Variants in ZNF681 observed in about 807,000 individuals in gnomAD.
ZNF681 encodes zinc finger protein 681.
ZNF681 carries 37 observed loss-of-function variants against 56.0 expected under a neutral mutation model. That is an observed-to-expected ratio of 0.66 (90% CI 0.51 to 0.87). ZNF681 has a LOEUF of 0.87. Ranked by LOEUF, ZNF681 falls within the 40% of genes least tolerant of loss-of-function variation. The pLI is 0.00. For synonymous variants in ZNF681, 225 were observed against 248.6 expected, an observed-to-expected ratio of 0.91 and a Z score of 0.89; for missense variants, 741 against 744.9, an observed-to-expected ratio of 0.99 and a Z score of 0.06.
rs965909372 is a variant in ZNF681 at position 23,744,557 on chromosome 19, A to T, written c.993T>A (p.Ile331=). ...QSSHLTRHKI[I]HTGEKPYKCE... ...ATTTGTAGGGTTTCTCTCCAGTATG[A>T]ATTATCTTATGTCTGGTAAGGTGTG... The change falls in exon 4 of 4, where the codon ATT becomes ATA. Residue 331 remains isoleucine (I), a synonymous_variant. Transcript: ENST00000402377. The T allele has an allele frequency of 1.2e-6, 2 of 1,613,644 alleles. No homozygotes were observed. Among genetic ancestry groups the T allele is most frequent in the African/African-American group, 2.7e-5 (2 of 74,920 alleles).
At chr19:23,748,079 T>C (rs989985596) in intron 3 of ZNF681, among the ~76,000 whole-genome samples, 1 of 152,096 alleles carries the variant, frequency 6.6e-6, no homozygotes, top group African/African-American at 2.4e-5. Context: ...TGACATGACG[T>C]TGTTCTTGGC....
At chr19:23,751,251 C>G (rs564317492) in intron 3 of ZNF681, among the ~76,000 whole-genome samples, 2 of 151,090 alleles carry the variant, frequency 1.3e-5, no homozygotes, top group African/African-American at 4.9e-5. Flanking sequence ...CTGAGGCAGG[C>G]GGATCACCTG....
In ZNF681 at chr19:23,742,195, C is replaced by T. The variant is rs1198564321; in HGVS notation, c.*1417G>A. 2.0e-5 allele frequency: 3 copies of T among 152,038 alleles called. No individual in the cohort carries two copies. The highest frequency in any genetic ancestry group is 7.2e-5 in the African/African-American group (3 of 41,412). The allele number at this position is 152,038 out of a possible 1,614,324, so 9.4% of individuals were successfully genotyped here. ...TTTTAAAATGTACTACATTTTATTA[C>T]ATAAAAGTACAATTGGCCAGGCATG... On this transcript the variant is annotated 3_prime_UTR_variant, in exon 4 of 4. Transcript: ENST00000402377.
chr19:23,747,639 CAAAAAAAA>C (rs57974422), intron 3 of ZNF681, among the ~76,000 whole-genome samples: 1 of 96,824 alleles, frequency 1.0e-5, no homozygotes, highest in African/African-American at 4.0e-5. Flanking sequence ...GACTCCGTCT[CAAAAAAAA>C]AAAAAAAAAA....
chr19:23,752,880 C>T (rs1047005857), intron 3 of ZNF681, among the ~76,000 whole-genome samples: 2 of 151,856 alleles, frequency 1.3e-5, no homozygotes, highest in Admixed American at 6.6e-5. Flanking sequence ...ACTGTTAGTA[C>T]GTGGCAAAAG....
Position 23,741,509 on chromosome 19 carries a change from A to C in ZNF681, c.*2103T>G, listed in dbSNP as rs911886062. On this transcript the variant is annotated 3_prime_UTR_variant, in exon 4 of 4. Transcript: ENST00000402377. Reference sequence around the variant, plus strand: ...GGGCTAATCATGGGGTCAGGAGTTCAAGACAAACCTGGCCAACGTAGTGAA... The same window carrying C: ...GGGCTAATCATGGGGTCAGGAGTTCCAGACAAACCTGGCCAACGTAGTGAA... 1 of 147,446 alleles carries C rather than the reference A, an allele frequency of 6.8e-6. No homozygotes were observed. Among genetic ancestry groups the C allele is most frequent in the African/African-American group, 2.5e-5 (1 of 39,762 alleles). 9.1% of individuals were successfully genotyped at this position (147,446 alleles called of 1,614,324 possible).
At chr19:23,756,332 A>C (rs1374982334) in intron 1 of ZNF681, among the ~76,000 whole-genome samples, 13 of 149,464 alleles carry the variant, frequency 8.7e-5, no homozygotes, top group Admixed American at 4.9e-4. Context: ...CCCCCCCCAA[A>C]AAAAGACACA....
rs765409591 is a variant in ZNF681, at chr19:23,745,210, T to C, written c.340A>G (p.Ser114Gly). Reference protein sequence around the residue: ...GKCEHENLQLSKSVDECKVQK... With the variant: ...GKCEHENLQLGKSVDECKVQK... ...ACTTTGCACTCATCCACACTTTTAC[T>C]TAACTGTAAATTCTCATGTTCACAT... Residue 114 changes from serine (S) to glycine (G), a missense_variant, in exon 4 of 4, where the codon AGT (serine) becomes GGT (glycine). Physicochemically the swap from Ser to Gly is moderately conservative, Grantham distance 56 (BLOSUM62 0). Coordinates refer to ENST00000402377, the MANE Select transcript of ZNF681 (RefSeq NM_138286.3). 6.2e-7 allele frequency: 1 copy of C among 1,612,440 alleles called. No individual in the cohort carries two copies. Among genetic ancestry groups the C allele is most frequent in the Non-Finnish European group, 8.5e-7 (1 of 1,179,602 alleles).
rs760184997 is a variant in ZNF681 at position 23,743,895 on chromosome 19, T to C, written c.1655A>G (p.His552Arg). The stretch of plus-strand genomic sequence containing the variant: ...TTTCTCTCCAGTATGAATTACCTTA[T>C]GTGTAGCAAGATGTGAGGAATGGTT... ...AFNHSSHLAT[H>R]KVIHTGEKPY... Residue 552 changes from histidine to arginine, a missense_variant, in exon 4 of 4, where the codon CAT becomes CGT. His to Arg is a conservative substitution (Grantham distance 29). Coordinates refer to ENST00000402377, the MANE Select transcript of ZNF681 (RefSeq NM_138286.3). 1.9e-6 allele frequency: 3 copies of C among 1,601,504 alleles called. No homozygotes were observed. Among genetic ancestry groups the C allele is most frequent in the Non-Finnish European group, 2.6e-6 (3 of 1,170,914 alleles).
chr19:23,745,273 C>G lies in ZNF681; in HGVS notation c.277G>C (p.Asp93His). ...QDFSPEQNIK[D>H]SFQKVTPRRY... ...CTTGGTGTCACTTTTTGGAAAGAAT[C>G]TTTTATGTTCTGCTCTGGTGAAAAG... The change falls in exon 4 of 4, where the codon GAT becomes CAT. Residue 93 changes from aspartate (D) to histidine (H), a missense_variant. Transcript: ENST00000402377. 6.3e-7 allele frequency: 1 copy of G among 1,598,640 alleles called. No homozygotes were observed. The highest frequency in any genetic ancestry group is 8.5e-7 in the Non-Finnish European group (1 of 1,175,498).
At chr19:23,755,337 A>C in intron 2 of ZNF681, 88 bp downstream of exon 2, 1 of 1,465,252 alleles carries the variant, frequency 6.8e-7, no homozygotes, top group Non-Finnish European at 9.1e-7. Flanking sequence ...CACTTATGCA[A>C]AGCATAAATT....
chr19:23,751,395 G>C (rs566102941), intron 3 of ZNF681, among the ~76,000 whole-genome samples: 1 of 147,684 alleles, frequency 6.8e-6, no homozygotes, highest in East Asian at 2.1e-4. Flanking sequence ...AGAATTGCTT[G>C]AACTCTGGAG....
Position 23,743,824 on chromosome 19 carries a change from G to C in ZNF681, c.1726C>G (p.His576Asp). ...ECGKAFNQSS[H>D]LTRHKRIHTG... ...TGAATTCTCTTATGTCTAGTAAGGT[G>C]TGAGGACTGGTTAAAGGCTTTACCA... The change falls in exon 4 of 4, where the codon CAC becomes GAC. Residue 576 changes from histidine to aspartate, a missense_variant. Coordinates refer to ENST00000402377, the MANE Select transcript of ZNF681 (RefSeq NM_138286.3). 1 of 1,607,092 alleles carries C rather than the reference G, an allele frequency of 6.2e-7. No homozygotes were observed. The highest frequency in any genetic ancestry group is 8.5e-7 in the Non-Finnish European group (1 of 1,177,548).
Position 23,755,513 on chromosome 19 carries a change from A to G in ZNF681, c.42T>C (p.Ser14=). ...TGTCCAGGCATTGCCACTCCTCCAG[A>G]GAGAATTCTATGGCCACATCCCTAA... ...LKFRDVAIEF[S]LEEWQCLDTI... is the part of the protein sequence containing the mutation. The change falls in exon 2 of 4, where the codon TCT becomes TCC. Residue 14 remains serine, a synonymous_variant. Transcript: ENST00000402377. 6.2e-7 allele frequency: 1 copy of G among 1,610,938 alleles called. No homozygotes were observed. Among genetic ancestry groups the G allele is most frequent in the East Asian group, 2.2e-5 (1 of 44,758 alleles).
Position 23,742,138 on chromosome 19 carries a change from C to A in ZNF681, c.*1474G>T, listed in dbSNP as rs1322591329. The A allele has an allele frequency of 6.6e-6, 1 of 151,922 alleles. No homozygotes were observed. Among genetic ancestry groups the A allele is most frequent in the Non-Finnish European group, 1.5e-5 (1 of 67,966 alleles). 9.4% of individuals were successfully genotyped at this position (151,922 alleles called of 1,614,324 possible). ...TGGTCTTAACATGTTTTTTAAAAAG[C>A]CTGATTAATAAGTTCACACATTATC... is the stretch of plus-strand genomic sequence containing the variant. On this transcript the variant is annotated 3_prime_UTR_variant, in exon 4 of 4. Transcript: ENST00000402377.
intron 3 of ZNF681, among the ~76,000 whole-genome samples, chr19:23,749,469 T>C (rs759544029): frequency 1.9e-4 from 29 of 152,106 alleles, no homozygotes; most frequent in Non-Finnish European, 3.7e-4. Context: ...TGAGACAGGG[T>C]CTCATTCTAT....
chr19:23,749,607 T>TA (rs75741075), intron 3 of ZNF681, among the ~76,000 whole-genome samples: 157 of 137,528 alleles, frequency 1.1e-3, no homozygotes, highest in Middle Eastern at 3.6e-3. Flanking sequence ...ATGCCTGGGT[T>TA]AAAAAAAAAA....
At chr19:23,758,659 G>A (rs1273745784) in intron 1 of ZNF681, 88 bp downstream of exon 1, 14 of 1,605,438 alleles carry the variant, frequency 8.7e-6, no homozygotes, top group Non-Finnish European at 1.1e-5. Flanking sequence ...AGAACTCAGG[G>A]CGCAAATTGT....
chr19:23,748,063 G>A (rs1968971377), intron 3 of ZNF681, among the ~76,000 whole-genome samples: 3 of 151,858 alleles, frequency 2.0e-5, no homozygotes, highest in Admixed American at 2.0e-4. Context: ...TAGAAAAAAA[G>A]AGAAATGACA....
Sources: allele counts gnomAD v4.1 joint callset (sites outside exome capture counted in the v4.1 genomes callset), GRCh38; gene constraint gnomAD v4.1.1; transcripts MANE v1.5; gene names NCBI Gene and HGNC (gene_info 2026-07-23, HGNC 2026-07-21).